TNIK: variants seen among roughly 807,000 people sequenced by gnomAD.
TNIK encodes TRAF2 and NCK interacting kinase.
Under a neutral mutation model 191.3 loss-of-function variants are expected in TNIK, and 49 were observed. The observed-to-expected ratio is 0.26, with a 90% confidence interval of 0.20 to 0.32. The LOEUF (loss-of-function observed/expected upper bound fraction) is 0.32. Among genes scored for constraint, TNIK ranks in the 10% least tolerant of loss-of-function variants. TNIK has a pLI of 1.00. For missense variants in TNIK, 1,155 were observed against 1,702.3 expected (o/e 0.68, Z 5.66); for synonymous variants, 594 against 600.9 (o/e 0.99, Z 0.17).
intron 2 of TNIK, among the ~76,000 whole-genome samples, chr3:171,269,727 T>C (rs1351027327): frequency 6.6e-6 from 1 of 152,232 alleles, no homozygotes; most frequent in Non-Finnish European, 1.5e-5. Context: ...TGAAACAGCC[T>C]ATGCTGGAGA....
intron 12 of TNIK, among the ~76,000 whole-genome samples, chr3:171,144,864 T>C (rs1160366567): frequency 1.3e-5 from 2 of 152,232 alleles, no homozygotes; most frequent in Admixed American, 6.5e-5. Context: ...ATGGTATTTG[T>C]CTTTCTGTGC....
chr3:171,115,249 A>T (rs1726494762), intron 18 of TNIK, among the ~76,000 whole-genome samples: 1 of 152,244 alleles, frequency 6.6e-6, no homozygotes, highest in Non-Finnish European at 1.5e-5. Context: ...GTGGTGTGGT[A>T]GCAGGATAGA....
chr3:171,266,556 G>T (rs1173137280), intron 2 of TNIK, among the ~76,000 whole-genome samples: 1 of 152,150 alleles, frequency 6.6e-6, no homozygotes, highest in Non-Finnish European at 1.5e-5. Context: ...CCTACTTAGG[G>T]TCTTCAGACC....
chr3:171,320,877 G>T (rs1484810489), intron 2 of TNIK, among the ~76,000 whole-genome samples: 1 of 152,148 alleles, frequency 6.6e-6, no homozygotes, highest in African/African-American at 2.4e-5. Flanking sequence ...TCCCACTCCT[G>T]CTGGCTTGCC....
rs1402375370 is a variant in TNIK, at chr3:171,125,912, C to T, written c.2013G>A (p.Lys671=). Residue 671 remains lysine (K), a splice_region_variant and synonymous_variant, in exon 17 of 33, where the codon AAG becomes AAA. Transcript: ENST00000436636. ...AAAAAAACACCCCAGTAAATATTACCTTTGGTGGAATGTCTTCTTCCTGTC... is the reference window on the plus strand; with the variant it reads ...AAAAAAACACCCCAGTAAATATTACTTTTGGTGGAATGTCTTCTTCCTGTC... The part of the protein sequence containing the change: ...WLRQEEDIPP[K]VPQRTTSISP... 1 of 1,613,856 alleles carries T rather than the reference C, an allele frequency of 6.2e-7. No homozygotes were observed. Among genetic ancestry groups the T allele is most frequent in the Non-Finnish European group, 8.5e-7 (1 of 1,179,874 alleles).
intron 2 of TNIK, among the ~76,000 whole-genome samples, chr3:171,268,592 C>T (rs2109174030): frequency 6.6e-6 from 1 of 152,062 alleles, no homozygotes; most frequent in Admixed American, 6.6e-5. Flanking sequence ...CTCTGGTTTT[C>T]TTTGATACCA....
intron 14 of TNIK, 107 bp from the exon 15 acceptor site, chr3:171,138,486 CAAAGGA>C (rs1730347185): frequency 9.4e-7 from 1 of 1,061,334 alleles, no homozygotes. Flanking sequence ...TGCTAAATAA[CAAAGGA>C]TCTTAATACC....
chr3:171,457,751 C>T (rs1728942089), intron 1 of TNIK, among the ~76,000 whole-genome samples: 1 of 152,232 alleles, frequency 6.6e-6, no homozygotes, highest in South Asian at 2.1e-4. Flanking sequence ...AGTTCCTGGT[C>T]CCCAAGCTAG....
intron 2 of TNIK, among the ~76,000 whole-genome samples, chr3:171,261,537 TGATG>T (rs377426086): frequency 2.1e-4 from 8 of 37,336 alleles, no homozygotes; most frequent in African/African-American, 8.5e-4. Flanking sequence ...GATGGATGGA[TGATG>T]GATGGATGGA....
intron 2 of TNIK, among the ~76,000 whole-genome samples, chr3:171,330,924 A>G (rs1756360863): frequency 6.6e-6 from 1 of 152,162 alleles, no homozygotes; most frequent in African/African-American, 2.4e-5. Context: ...GGTCCGTTTG[A>G]CCTCATTTCA....
chr3:171,364,887 T>C (rs115281260), intron 2 of TNIK, among the ~76,000 whole-genome samples: 1,831 of 152,170 alleles, frequency 0.012, 36 homozygotes, highest in African/African-American at 0.041. Context: ...TTAAAGACCC[T>C]GAAGTGAGAA....
chr3:171,272,078 G>A (rs1749172105), intron 2 of TNIK, among the ~76,000 whole-genome samples: 1 of 152,164 alleles, frequency 6.6e-6, no homozygotes, highest in Non-Finnish European at 1.5e-5. Flanking sequence ...ACCCGGAGAT[G>A]GTAAAGGCAC....
intron 7 of TNIK, among the ~76,000 whole-genome samples, chr3:171,186,254 A>G (rs991625553): frequency 2.7e-4 from 41 of 152,236 alleles, no homozygotes; most frequent in Non-Finnish European, 5.9e-5. Flanking sequence ...GCCAAGAAAG[A>G]AGTAGTAAGG....
At chr3:171,134,177 T>C (rs1729675252) in intron 15 of TNIK, among the ~76,000 whole-genome samples, 1 of 152,248 alleles carries the variant, frequency 6.6e-6, no homozygotes, top group Non-Finnish European at 1.5e-5. Flanking sequence ...ATTCTGCCGA[T>C]GTTCAACAGA....
chr3:171,446,513 A>C (rs1727517050), intron 1 of TNIK, among the ~76,000 whole-genome samples: 1 of 152,232 alleles, frequency 6.6e-6, no homozygotes, highest in Non-Finnish European at 1.5e-5. Context: ...TGCCCTCTGC[A>C]AGACCAACTA....
At position 171,280,116 on chromosome 3, in the gene TNIK, G is replaced by A. The variant is rs112158699; in HGVS notation, c.124-51895C>T. On this transcript the variant is annotated intron_variant, in intron 2 of 32. Coordinates refer to ENST00000436636, the MANE Select transcript of TNIK (RefSeq NM_015028.4). ...ATCTATGTCTCGCACGTTCCCTCCC[G>A]GCTATGTGGCACTCATGAATGGATG... is the stretch of plus-strand genomic sequence containing the variant. 4.3e-3 allele frequency among the ~76,000 whole-genome samples: 656 copies of A among 152,162 alleles called. 2 individuals carry two copies. The highest frequency in any genetic ancestry group is 0.015 in the African/African-American group (627 of 41,488).
chr3:171,114,776 T>C (rs1223384687), intron 18 of TNIK, among the ~76,000 whole-genome samples: 5 of 152,348 alleles, frequency 3.3e-5, no homozygotes, highest in Non-Finnish European at 4.4e-5. Context: ...ATGGCATTCC[T>C]TTGTGAAGTA....
chr3:171,188,111 G>A (rs1047446345), intron 7 of TNIK, among the ~76,000 whole-genome samples: 4 of 152,194 alleles, frequency 2.6e-5, no homozygotes, highest in Non-Finnish European at 5.9e-5. Context: ...TTTGAACACA[G>A]CTTTGAATGT....
intron 2 of TNIK, among the ~76,000 whole-genome samples, chr3:171,302,023 A>T (rs35216718): frequency 1.3e-5 from 2 of 152,210 alleles, no homozygotes; most frequent in African/African-American, 4.8e-5. Context: ...CACATTGTCA[A>T]ATTTAGATGC....
Sources: allele counts gnomAD v4.1 joint callset (sites outside exome capture counted in the v4.1 genomes callset), GRCh38; gene constraint gnomAD v4.1.1; transcripts MANE v1.5; gene names NCBI Gene and HGNC (gene_info 2026-07-23, HGNC 2026-07-21).